Variants in ACCSL observed in about 807,000 individuals in gnomAD.
The protein encoded by ACCSL is probable inactive 1-aminocyclopropane-1-carboxylate synthase-like protein 2.
In ACCSL, 55 loss-of-function variants were observed where a neutral mutation model predicts 61.7. The ratio of observed to expected loss-of-function variants is 0.89; its 90% confidence interval spans 0.72 to 1.12. The LOEUF is 1.12. Among genes scored for constraint, ACCSL ranks in the 50% most tolerant of loss-of-function variants. The pLI, the probability that ACCSL is intolerant of heterozygous loss-of-function variation, is 0.00. For missense variants in ACCSL, 632 were observed against 698.0 expected (o/e 0.91, Z 1.07); for synonymous variants, 258 against 264.3 (o/e 0.98, Z 0.23).
chr11:43,947,541 G>A, the ACCSL span, among the ~76,000 whole-genome samples: 6,269 of 152,220 alleles, frequency 0.041, 211 homozygotes, highest in Non-Finnish European at 0.056. Context: ...CAATGAAGGA[G>A]CAAGAGAGAG....
chr11:44,058,768 A>G, intron 13 of ACCSL, 69 bp downstream of exon 13: 1 of 1,515,258 alleles, frequency 6.6e-7, no homozygotes, highest in Non-Finnish European at 8.9e-7. Flanking sequence ...CTTCTCCCCC[A>G]CCCCCCTTAA....
the ACCSL span, among the ~76,000 whole-genome samples, chr11:44,008,687 G>A: frequency 2.6e-5 from 4 of 152,190 alleles, no homozygotes; most frequent in African/African-American, 9.7e-5. Flanking sequence ...TCACTGCAGC[G>A]ATGATAACAC....
chr11:44,030,353 G>C, the ACCSL span, among the ~76,000 whole-genome samples: 2 of 151,192 alleles, frequency 1.3e-5, no homozygotes, highest in Non-Finnish European at 2.9e-5. Flanking sequence ...TCTCCCTCCT[G>C]TTTCTCATGG....
At chr11:44,023,631 T>TC in the ACCSL span, among the ~76,000 whole-genome samples, 1 of 151,678 alleles carries the variant, frequency 6.6e-6, no homozygotes, top group African/African-American at 2.4e-5. Flanking sequence ...TTATCTGTTT[T>TC]TTTTTTTCTA....
At chr11:44,032,962 A>G in the ACCSL span, among the ~76,000 whole-genome samples, 1 of 152,206 alleles carries the variant, frequency 6.6e-6, no homozygotes, top group Non-Finnish European at 1.5e-5. Flanking sequence ...CCCTGGCGAC[A>G]GTGGGAGGAG....
the ACCSL span, among the ~76,000 whole-genome samples, chr11:43,982,185 A>G: frequency 6.7e-6 from 1 of 149,902 alleles, no homozygotes; most frequent in African/African-American, 2.5e-5. Context: ...AGGTGGTCCC[A>G]GAACCACCTC....
chr11:44,051,206 G>A, intron 3 of ACCSL, 129 bp from the exon 4 acceptor site: 1 of 905,296 alleles, frequency 1.1e-6, no homozygotes, highest in Non-Finnish European at 1.8e-6. Context: ...GATGGTCTTA[G>A]TCAGTAGCCC....
chr11:44,001,958 TCCTCTCAGA>T, the ACCSL span, among the ~76,000 whole-genome samples: 66,418 of 151,542 alleles, frequency 0.44, 15,130 homozygotes, highest in Middle Eastern at 0.56. Flanking sequence ...TGGTGACAGG[TCCTCTCAGA>T]GCTAGCACAG....
chr11:43,935,840 C>A, the ACCSL span, among the ~76,000 whole-genome samples: 1 of 152,096 alleles, frequency 6.6e-6, no homozygotes, highest in Non-Finnish European at 1.5e-5. Context: ...GAGCTACAGA[C>A]CTGCTGAGAA....
In ACCSL at chr11:44,058,410, C is replaced by T; in HGVS notation, c.1421C>T (p.Pro474Leu). The change falls in exon 12 of 14, where the codon CCT becomes CTT. Residue 474 changes from proline to leucine, a missense_variant. Pro to Leu is a moderately conservative substitution (Grantham distance 98, BLOSUM62 -3). Transcript: ENST00000378832. ...ITAELKALEI[P>L]FHNRSSGLYV... ...GCTGAGCTGAAGGCATTGGAGATCCCTTTTCACAACCGCAGCTCTGGCCTC... is the reference window on the plus strand; with the variant it reads ...GCTGAGCTGAAGGCATTGGAGATCCTTTTTCACAACCGCAGCTCTGGCCTC... 6.2e-7 allele frequency: 1 copy of T among 1,614,146 alleles called. No homozygotes were observed. The highest frequency in any genetic ancestry group is 1.1e-5 in the South Asian group (1 of 91,076).
upstream of ACCSL, among the ~76,000 whole-genome samples, chr11:44,046,647 GCAA>G (rs1249068465): frequency 6.6e-6 from 1 of 152,120 alleles, no homozygotes; most frequent in Non-Finnish European, 1.5e-5. Context: ...TATAAAAGAA[GCAA>G]CGAGGTTTTT....
chr11:43,968,625 T>G, the ACCSL span, among the ~76,000 whole-genome samples: 1 of 152,204 alleles, frequency 6.6e-6, no homozygotes, highest in African/African-American at 2.4e-5. Flanking sequence ...TTTAATTTAA[T>G]CAGGGATTGT....
chr11:43,946,630 AT>A, the ACCSL span, among the ~76,000 whole-genome samples: 1 of 152,208 alleles, frequency 6.6e-6, no homozygotes, highest in Non-Finnish European at 1.5e-5. Context: ...TAGTATCAGT[AT>A]GCATCGATCC....
chr11:43,959,632 C>A, the ACCSL span, among the ~76,000 whole-genome samples: 2 of 152,190 alleles, frequency 1.3e-5, no homozygotes, highest in African/African-American at 4.8e-5. Context: ...CTACTCTGCC[C>A]TTGCTGTCTT....
At chr11:43,987,635 T>G in the ACCSL span, among the ~76,000 whole-genome samples, 1 of 152,012 alleles carries the variant, frequency 6.6e-6, no homozygotes, top group African/African-American at 2.4e-5. Context: ...CCCCACTCCC[T>G]GGCTGGCTCT....
chr11:43,935,005 C>T, the ACCSL span, among the ~76,000 whole-genome samples: 1 of 152,184 alleles, frequency 6.6e-6, no homozygotes, highest in African/African-American at 2.4e-5. Flanking sequence ...CCCACCCCAT[C>T]TGCTTCCCCA....
chr11:44,037,046 G>A, the ACCSL span, among the ~76,000 whole-genome samples: 1 of 152,190 alleles, frequency 6.6e-6, no homozygotes, highest in Non-Finnish European at 1.5e-5. Flanking sequence ...GGGGAGAGCT[G>A]AGGGCAGCTG....
At chr11:44,052,096 G>A (rs998542054) in intron 5 of ACCSL, among the ~76,000 whole-genome samples, 1 of 152,180 alleles carries the variant, frequency 6.6e-6, no homozygotes, top group South Asian at 2.1e-4. Context: ...GACCCAACAA[G>A]GTTGAGTGGA....
At chr11:44,030,352 T>A in the ACCSL span, among the ~76,000 whole-genome samples, 1 of 151,700 alleles carries the variant, frequency 6.6e-6, no homozygotes. Context: ...CTCTCCCTCC[T>A]GTTTCTCATG....
Sources: gnomAD v4.1 joint callset for allele counts (sites outside exome capture counted in the v4.1 genomes callset) on GRCh38, gnomAD v4.1.1 for gene constraint, MANE v1.5 for transcripts, NCBI Gene and HGNC (gene_info 2026-07-23, HGNC 2026-07-21) for gene names.